Variants in ATG7 observed in about 807,000 individuals in gnomAD.
ATG7 encodes autophagy related 7, also known as ubiquitin-like modifier-activating enzyme ATG7.
Under a neutral mutation model 82.4 loss-of-function variants are expected in ATG7, and 70 were observed. That is an observed-to-expected ratio of 0.85 (90% CI 0.70 to 1.04). The LOEUF is 1.04. ATG7 is among the 50% of genes least tolerant of loss of function. ATG7 has a pLI of 0.00. For synonymous variants in ATG7, 287 were observed against 313.0 expected (o/e 0.92, Z 0.88); for missense variants, 792 against 864.3 (o/e 0.92, Z 1.05).
chr3:11,428,536 A>G (rs1181617613), intron 20 of ATG7, among the ~76,000 whole-genome samples: 1 of 152,234 alleles, frequency 6.6e-6, no homozygotes, highest in East Asian at 1.9e-4. Context: ...CAATAGTTAG[A>G]GCCACAAAGA....
intron 20 of ATG7, among the ~76,000 whole-genome samples, chr3:11,483,396 C>A (rs951005738): frequency 1.3e-5 from 2 of 151,478 alleles, no homozygotes; most frequent in East Asian, 1.9e-4. Flanking sequence ...GAGCTCCCAA[C>A]ACGCACAGAT....
At chr3:11,562,433 C>A (rs183895837), downstream of ATG7, among the ~76,000 whole-genome samples, 6 of 152,334 alleles carry the variant, frequency 3.9e-5, no homozygotes, top group East Asian at 1.2e-3. Context: ...CACAGGGCTG[C>A]AGCATGCGTC....
intron 19 of ATG7, among the ~76,000 whole-genome samples, chr3:11,382,302 A>AGCAC (rs930806110): frequency 1.3e-5 from 2 of 152,246 alleles, no homozygotes; most frequent in South Asian, 2.1e-4. Flanking sequence ...AGAGAGTGCG[A>AGCAC]GCACGCACGC....
chr3:11,472,616 G>T (rs906101466), intron 20 of ATG7, among the ~76,000 whole-genome samples: 1 of 152,192 alleles, frequency 6.6e-6, no homozygotes, highest in African/African-American at 2.4e-5. Flanking sequence ...GTCCACTGTG[G>T]TTATCTTACC....
chr3:11,298,313 A>G (rs1423038017), intron 3 of ATG7, among the ~76,000 whole-genome samples: 2 of 152,234 alleles, frequency 1.3e-5, no homozygotes, highest in Admixed American at 6.5e-5. Flanking sequence ...TGCCATTTAC[A>G]TGAAGTAGTC....
chr3:11,574,785 ATGTGTGTGTGTGTGTGTGTGTGTGTG>A, the ATG7 span, among the ~76,000 whole-genome samples: 18 of 121,780 alleles, frequency 1.5e-4, no homozygotes, highest in African/African-American at 4.1e-4. Context: ...TCAACTATAT[ATGTGTGTGTGTGTGTGTGTGTGTGTG>A]TGTGTGTGTG....
chr3:11,531,068 G>A (rs893813222), intron 20 of ATG7, among the ~76,000 whole-genome samples: 5 of 152,142 alleles, frequency 3.3e-5, no homozygotes, highest in Non-Finnish European at 5.9e-5. Context: ...CTATGGAGTC[G>A]GCAGAGCGGG....
chr3:11,318,663 A>T (rs983625089), intron 9 of ATG7, among the ~76,000 whole-genome samples: 7 of 152,300 alleles, frequency 4.6e-5, no homozygotes, highest in Admixed American at 6.5e-5. Context: ...CGTTAAAACT[A>T]CTTAGCTTGG....
rs576459826 is a variant in ATG7, at chr3:11,440,776, C to T, written c.2079+13850C>T. Among the ~76,000 whole-genome samples, 47 of 142,510 alleles carry T rather than the reference C, an allele frequency of 3.3e-4. No homozygotes were observed. In the South Asian group the frequency reaches 7.3e-3, roughly 22 times the overall value. The allele number at this position is 142,510 out of a possible 152,430, so 93.5% of individuals were successfully genotyped here. A position where few individuals can be genotyped will look rare whatever the true frequency, so the allele number is the denominator to read the frequency against. ...TTGGCTCACTGCAACCTTTGCCTCCCGGGTTTAAGCTATTCTCCTGCCTCA... is the reference window on the plus strand; with the variant it reads ...TTGGCTCACTGCAACCTTTGCCTCCTGGGTTTAAGCTATTCTCCTGCCTCA... On this transcript the variant is annotated intron_variant, in intron 20 of 20. Coordinates refer to ENST00000693202, the MANE Select transcript of ATG7 (RefSeq NM_001349232.2).
chr3:11,372,824 G>A lies in ATG7; in HGVS notation c.1876-7148G>A, dbSNP rs1223283597. Among the ~76,000 whole-genome samples, 12 of 117,378 alleles carry A rather than the reference G, an allele frequency of 1.0e-4. No individual in the cohort carries two copies. In the East Asian group the frequency reaches 2.8e-3, roughly 27 times the overall value. The allele number at this position is 117,378 out of a possible 152,430, so 77.0% of individuals were successfully genotyped here. On this transcript the variant is annotated intron_variant, in intron 18 of 20. Transcript: ENST00000693202. ...TGGGTGTGTGTGTGTGTGCGCGCGT[G>A]TGCGTGTGTGTGCGTGCGTGCGTGT...
intron 7 of ATG7, among the ~76,000 whole-genome samples, chr3:11,310,164 C>CAA (rs111335614): frequency 7.7e-6 from 1 of 129,714 alleles, no homozygotes; most frequent in Non-Finnish European, 1.7e-5. Context: ...GACCCTGTCT[C>CAA]AAAAAAAAAA....
chr3:11,337,855 C>A (rs926607330), intron 11 of ATG7, among the ~76,000 whole-genome samples: 19 of 151,918 alleles, frequency 1.3e-4, no homozygotes, highest in African/African-American at 4.6e-4. Flanking sequence ...CTAATAATTT[C>A]TTACCTGTAT....
intron 20 of ATG7, among the ~76,000 whole-genome samples, chr3:11,482,536 C>G (rs1181421382): frequency 6.6e-6 from 1 of 152,150 alleles, no homozygotes; most frequent in Non-Finnish European, 1.5e-5. Context: ...CCTTGTAGGT[C>G]CCCCTGCTCC....
chr3:11,274,606 G>A (rs536984140), intron 1 of ATG7, among the ~76,000 whole-genome samples: 137 of 152,272 alleles, frequency 9.0e-4, no homozygotes, highest in African/African-American at 3.1e-3. Context: ...TAGCCACATC[G>A]TGAAGGGCCC....
At chr3:11,460,572 G>A (rs2086208919) in intron 20 of ATG7, among the ~76,000 whole-genome samples, 1 of 152,182 alleles carries the variant, frequency 6.6e-6, no homozygotes, top group Non-Finnish European at 1.5e-5. Flanking sequence ...TTTTCCCTCA[G>A]AGTACTTCCC....
rs185522601 is a variant in ATG7 at position 11,521,277 on chromosome 3, G to A, written c.2080-33534G>A. Among the ~76,000 whole-genome samples, 14 of 152,306 alleles carry A rather than the reference G, an allele frequency of 9.2e-5. No individual in the cohort carries two copies. In the East Asian group the frequency reaches 2.7e-3, roughly 29 times the overall value. ...AGAACGCTGGCCATACGTGCTAGAT[G>A]CTGACAAAGACCAGGGGAAAGCAGA... On this transcript the variant is annotated intron_variant, in intron 20 of 20. Coordinates refer to ENST00000693202, the MANE Select transcript of ATG7 (RefSeq NM_001349232.2).
chr3:11,479,950 T>G (rs894743408), intron 20 of ATG7, among the ~76,000 whole-genome samples: 1 of 150,986 alleles, frequency 6.6e-6, no homozygotes, highest in Non-Finnish European at 1.5e-5. Flanking sequence ...TTTTTTGAGA[T>G]GGAGTCTCCC....
At chr3:11,363,174 G>T (rs553614409) in intron 17 of ATG7, 1 of 427,608 alleles carries the variant, frequency 2.3e-6, no homozygotes, top group Admixed American at 3.7e-5. Flanking sequence ...TTTTTCCAAC[G>T]CTTATATAGG....
intron 14 of ATG7, chr3:11,348,272 G>A (rs1954879373): frequency 6.1e-6 from 3 of 492,880 alleles, no homozygotes; most frequent in Non-Finnish European, 1.1e-5. Flanking sequence ...TTCCTTCAGT[G>A]CGTTCTTGGT....
Sources: gnomAD v4.1 joint callset for allele counts (sites outside exome capture counted in the v4.1 genomes callset) on GRCh38, gnomAD v4.1.1 for gene constraint, MANE v1.5 for transcripts, NCBI Gene and HGNC (gene_info 2026-07-23, HGNC 2026-07-21) for gene names.